The following FHIT variants were observed in gnomAD, a reference collection of about 807,000 sequenced individuals.
FHIT encodes fragile histidine triad diadenosine triphosphatase.
In FHIT, 19 loss-of-function variants were observed where a neutral mutation model predicts 17.9. The ratio of observed to expected loss-of-function variants is 1.06; its 90% CI spans 0.74 to 1.56. FHIT has a LOEUF of 1.56. FHIT is among the 40% of genes most tolerant of loss of function. FHIT has a pLI of 0.00. For missense variants in FHIT, 248 were observed against 189.2 expected (o/e 1.31, Z -1.82); for synonymous variants, 81 against 69.7 (o/e 1.16, Z -0.81).
intron 7 of FHIT, among the ~76,000 whole-genome samples, chr3:59,987,204 A>T (rs1036843011): frequency 8.8e-5 from 13 of 148,106 alleles, no homozygotes; most frequent in South Asian, 8.4e-4. Flanking sequence ...AATCCTATAT[A>T]TATTTATTTA....
intron 5 of FHIT, among the ~76,000 whole-genome samples, chr3:60,284,451 C>T (rs1707618670): frequency 6.6e-6 from 1 of 152,008 alleles, no homozygotes; most frequent in African/African-American, 2.4e-5. Flanking sequence ...TGAGTTAATC[C>T]TGAAACCTAT....
chr3:61,000,822 G>A (rs2031027451), intron 3 of FHIT, among the ~76,000 whole-genome samples: 1 of 152,160 alleles, frequency 6.6e-6, no homozygotes, highest in Non-Finnish European at 1.5e-5. Flanking sequence ...AAGTCCAGTA[G>A]AGACCTAGTG....
chr3:60,093,053 C>T (rs1395328485), intron 5 of FHIT, among the ~76,000 whole-genome samples: 2 of 152,148 alleles, frequency 1.3e-5, no homozygotes, highest in Non-Finnish European at 2.9e-5. Flanking sequence ...ACTTACAAGG[C>T]AACGCATCAG....
At chr3:60,173,729 A>C (rs941915590) in intron 5 of FHIT, among the ~76,000 whole-genome samples, 1 of 150,768 alleles carries the variant, frequency 6.6e-6, no homozygotes, top group Non-Finnish European at 1.5e-5. Context: ...TTCTCAGTGG[A>C]CTCTGTGGGG....
intron 5 of FHIT, among the ~76,000 whole-genome samples, chr3:60,276,139 C>T (rs1707120884): frequency 6.6e-6 from 1 of 152,022 alleles, no homozygotes; most frequent in Non-Finnish European, 1.5e-5. Context: ...AGATACCCGC[C>T]ACCAGGCTGG....
chr3:60,966,735 T>C (rs997835368), intron 3 of FHIT, among the ~76,000 whole-genome samples: 1 of 152,250 alleles, frequency 6.6e-6, no homozygotes, highest in African/African-American at 2.4e-5. Flanking sequence ...ATTAAGAGGC[T>C]ATTGTAGCAA....
intron 7 of FHIT, among the ~76,000 whole-genome samples, chr3:59,951,256 C>T (rs2107307647): frequency 6.6e-6 from 1 of 152,148 alleles, no homozygotes; most frequent in East Asian, 1.9e-4. Context: ...CACCTGGGTT[C>T]TGTGCATGGA....
intron 5 of FHIT, among the ~76,000 whole-genome samples, chr3:60,425,006 G>A (rs983911073): frequency 3.9e-5 from 6 of 152,122 alleles, no homozygotes; most frequent in South Asian, 4.2e-4. Context: ...TGCAATAAGC[G>A]TGGGGCAAAT....
rs782167813 is a variant in FHIT at position 60,735,172 on chromosome 3, C to G, written c.-18+86747G>C. On this transcript the variant is annotated intron_variant, in intron 4 of 9. Transcript: ENST00000492590. ...AAATTACTTTTCAGAGAGCCTGTAT[C>G]TTTTCTAAATTTACAGACAGGAAAC... 9.9e-4 allele frequency among the ~76,000 whole-genome samples: 150 copies of G among 152,186 alleles called. 2 individuals are homozygous for G. The highest frequency in any genetic ancestry group is 3.4e-4 in the Non-Finnish European group (23 of 68,032).
chr3:61,143,655 C>G (rs1241245173), intron 2 of FHIT, among the ~76,000 whole-genome samples: 1 of 152,166 alleles, frequency 6.6e-6, no homozygotes, highest in Non-Finnish European at 1.5e-5. Context: ...CACCTGAGGT[C>G]AGGAGTTCAA....
At chr3:59,993,716 C>G (rs1397477052) in intron 7 of FHIT, among the ~76,000 whole-genome samples, 1 of 151,766 alleles carries the variant, frequency 6.6e-6, no homozygotes, top group African/African-American at 2.4e-5. Context: ...CACTAGGACT[C>G]CCCCAACATT....
At chr3:60,263,625 A>G (rs140592122) in intron 5 of FHIT, among the ~76,000 whole-genome samples, 60 of 152,096 alleles carry the variant, frequency 3.9e-4, no homozygotes, top group South Asian at 1.0e-3. Flanking sequence ...AACCTAATCT[A>G]TAGCATCACA....
intron 3 of FHIT, among the ~76,000 whole-genome samples, chr3:60,844,076 G>T (rs1553745777): frequency 6.6e-6 from 1 of 151,916 alleles, no homozygotes; most frequent in Non-Finnish European, 1.5e-5. Flanking sequence ...TAATTTTGTT[G>T]GAAAAAGTTA....
chr3:61,203,150 A>G (rs1333943340), intron 1 of FHIT, among the ~76,000 whole-genome samples: 1 of 142,916 alleles, frequency 7.0e-6, no homozygotes, highest in Non-Finnish European at 1.5e-5. Flanking sequence ...ACTGCACTCC[A>G]GCCTGGGCAA....
chr3:60,853,952 C>T (rs1298695644), intron 3 of FHIT, among the ~76,000 whole-genome samples: 1 of 152,088 alleles, frequency 6.6e-6, no homozygotes, highest in Non-Finnish European at 1.5e-5. Flanking sequence ...TCATGTAAAA[C>T]TTAATTTGAG....
chr3:59,771,273 G>A (rs1702060637), intron 8 of FHIT, among the ~76,000 whole-genome samples: 1 of 152,202 alleles, frequency 6.6e-6, no homozygotes, highest in African/African-American at 2.4e-5. Flanking sequence ...AGGAGAACAA[G>A]AGAGAATGAA....
chr3:59,967,157 C>A (rs1010412027), intron 7 of FHIT, among the ~76,000 whole-genome samples: 2 of 152,124 alleles, frequency 1.3e-5, no homozygotes, highest in Non-Finnish European at 2.9e-5. Context: ...CCTTCAGGGG[C>A]ACTCACCATG....
intron 4 of FHIT, among the ~76,000 whole-genome samples, chr3:60,543,823 T>C (rs2036265698): frequency 6.7e-6 from 1 of 150,204 alleles, no homozygotes; most frequent in Non-Finnish European, 1.5e-5. Flanking sequence ...CGGCTCACTG[T>C]AAGCTCCGCT....
intron 5 of FHIT, among the ~76,000 whole-genome samples, chr3:60,525,262 T>C (rs577085268): frequency 1.3e-5 from 2 of 152,348 alleles, no homozygotes; most frequent in South Asian, 4.1e-4. Context: ...AAGAACCTGA[T>C]ATACAGATCT....
Sources: allele counts gnomAD v4.1 joint callset (sites outside exome capture counted in the v4.1 genomes callset), GRCh38; gene constraint gnomAD v4.1.1; transcripts MANE v1.5; gene names NCBI Gene and HGNC (gene_info 2026-07-23, HGNC 2026-07-21).